Variants in CNTN4 observed in about 807,000 individuals in gnomAD.
The protein encoded by CNTN4 is contactin 4, also known as contactin-4.
CNTN4 carries 77 observed loss-of-function variants against 122.5 expected under a neutral mutation model. The observed-to-expected ratio is 0.63, with a 90% confidence interval of 0.52 to 0.76. The LOEUF is 0.76. CNTN4 is among the 30% of genes least tolerant of loss of function. The pLI, the probability that CNTN4 is intolerant of heterozygous loss-of-function variation, is 0.00. For synonymous variants in CNTN4, 512 were observed against 447.0 expected (o/e 1.15, Z -1.83); for missense variants, 1,256 against 1,259.1 (o/e 1.00, Z 0.04).
Position 2,644,701 on chromosome 3 carries a change from C to T in CNTN4, c.55+73143C>T, listed in dbSNP as rs144813876. ...TATAGAGGAGTCACAGAAACTAGGACATTTGGGCTCTCTGACCAAGAATCA... is the reference window on the plus strand; with the variant it reads ...TATAGAGGAGTCACAGAAACTAGGATATTTGGGCTCTCTGACCAAGAATCA... On this transcript the variant is annotated intron_variant, in intron 4 of 24. Coordinates refer to ENST00000418658, the MANE Select transcript of CNTN4 (RefSeq NM_175607.3). 3.4e-3 allele frequency among the ~76,000 whole-genome samples: 504 copies of T among 149,354 alleles called. 3 individuals carry two copies. Among genetic ancestry groups the T allele is most frequent in the African/African-American group, 0.012 (466 of 40,484 alleles).
chr3:2,206,300 G>T (rs939867334), intron 2 of CNTN4, among the ~76,000 whole-genome samples: 18 of 152,062 alleles, frequency 1.2e-4, no homozygotes, highest in African/African-American at 4.3e-4. Context: ...TTCTTTGACA[G>T]TATCTACAAA....
chr3:2,147,979 C>G (rs962889450), intron 2 of CNTN4, among the ~76,000 whole-genome samples: 6 of 152,172 alleles, frequency 3.9e-5, no homozygotes, highest in Non-Finnish European at 8.8e-5. Context: ...AATTGATTCT[C>G]TTTCACTCCC....
intron 2 of CNTN4, among the ~76,000 whole-genome samples, chr3:2,260,449 A>G (rs1010211944): frequency 6.6e-6 from 1 of 152,162 alleles, no homozygotes; most frequent in Non-Finnish European, 1.5e-5. Flanking sequence ...ACAATTTTCC[A>G]ATTCAAGGTG....
intron 4 of CNTN4, among the ~76,000 whole-genome samples, chr3:2,733,399 C>T (rs914033689): frequency 6.6e-6 from 1 of 152,120 alleles, no homozygotes; most frequent in Non-Finnish European, 1.5e-5. Context: ...AGTGAGCTCA[C>T]ATTTGACCAG....
chr3:2,720,464 T>G (rs2087778599), intron 4 of CNTN4, among the ~76,000 whole-genome samples: 1 of 152,134 alleles, frequency 6.6e-6, no homozygotes, highest in African/African-American at 2.4e-5. Context: ...CACCTGAATT[T>G]TTATGTACCC....
chr3:2,671,311 ACTTCT>A (rs1341951842), intron 4 of CNTN4, among the ~76,000 whole-genome samples: 2 of 151,882 alleles, frequency 1.3e-5, no homozygotes, highest in East Asian at 1.9e-4. Context: ...TTTTCTCTAA[ACTTCT>A]CTTCTCACTT....
chr3:2,649,941 C>A (rs896341649), intron 4 of CNTN4, among the ~76,000 whole-genome samples: 1 of 150,548 alleles, frequency 6.6e-6, no homozygotes, highest in South Asian at 2.1e-4. Context: ...CCAGCCTGAC[C>A]AACATGGTGA....
intron 14 of CNTN4, among the ~76,000 whole-genome samples, chr3:3,021,690 A>ATACACTAATATACAGGCCTT (rs1455565770): frequency 6.6e-6 from 1 of 152,226 alleles, no homozygotes; most frequent in Non-Finnish European, 1.5e-5. Context: ...AAGATAAATT[A>ATACACTAATATACAGGCCTT]TACACTAAAA....
chr3:2,350,778 C>T (rs958112019), intron 3 of CNTN4, among the ~76,000 whole-genome samples: 4 of 152,050 alleles, frequency 2.6e-5, no homozygotes, highest in Non-Finnish European at 5.9e-5. Flanking sequence ...CACTAACCAA[C>T]GAAAATTTAA....
At chr3:2,926,584 C>A (rs893350020) in intron 13 of CNTN4, among the ~76,000 whole-genome samples, 3 of 152,062 alleles carry the variant, frequency 2.0e-5, no homozygotes, top group Non-Finnish European at 2.9e-5. Flanking sequence ...GATTTGCCAG[C>A]TGTATATATA....
In CNTN4 at chr3:2,401,053, T is replaced by C. The variant is rs1044310094; in HGVS notation, c.-89+61820T>C. Among the ~76,000 whole-genome samples, 3 of 152,126 alleles carry C rather than the reference T, an allele frequency of 2.0e-5. No individual in the cohort carries two copies. In the South Asian group the frequency reaches 6.2e-4, roughly 31 times the overall value. On this transcript the variant is annotated intron_variant, in intron 3 of 24. Coordinates refer to ENST00000418658, the MANE Select transcript of CNTN4 (RefSeq NM_175607.3). Reference sequence around the variant, plus strand: ...TGCTCTGATTTCCACCTTTCAGGTATGTATACCAGATACTGAAATGGCTGA... The same window carrying C: ...TGCTCTGATTTCCACCTTTCAGGTACGTATACCAGATACTGAAATGGCTGA...
At chr3:2,194,466 AAAAG>A (rs1432970387) in intron 2 of CNTN4, among the ~76,000 whole-genome samples, 1 of 152,166 alleles carries the variant, frequency 6.6e-6, no homozygotes, top group African/African-American at 2.4e-5. Context: ...ATGTCAACAG[AAAAG>A]AAAGGAAAGA....
At chr3:2,106,090 G>A (rs1015109208) in intron 2 of CNTN4, among the ~76,000 whole-genome samples, 1 of 152,242 alleles carries the variant, frequency 6.6e-6, no homozygotes, top group African/African-American at 2.4e-5. Flanking sequence ...GCTGATGCAG[G>A]AGGTGGGCTC....
At chr3:2,269,114 G>C (rs2149801890) in intron 2 of CNTN4, among the ~76,000 whole-genome samples, 1 of 152,170 alleles carries the variant, frequency 6.6e-6, no homozygotes, top group Admixed American at 6.6e-5. Context: ...TTTCAAATGT[G>C]GTTGTGTCCC....
At chr3:2,762,937 CTT>C (rs529635016) in intron 6 of CNTN4, among the ~76,000 whole-genome samples, 3,249 of 96,136 alleles carry the variant, frequency 0.034, 44 homozygotes, top group Non-Finnish European at 0.041. Flanking sequence ...TGATGTCAAG[CTT>C]TTTTTTTTTT....
intron 7 of CNTN4, among the ~76,000 whole-genome samples, chr3:2,822,618 A>G (rs547105904): frequency 6.6e-6 from 1 of 152,368 alleles, no homozygotes; most frequent in South Asian, 2.1e-4. Flanking sequence ...ACATGGCAGC[A>G]ACCCTAAAAA....
intron 6 of CNTN4, among the ~76,000 whole-genome samples, chr3:2,778,049 C>T (rs2091403111): frequency 6.6e-6 from 1 of 150,580 alleles, no homozygotes; most frequent in African/African-American, 2.5e-5. Flanking sequence ...CCCGTCTCTA[C>T]TAAAAATACA....
In CNTN4 at chr3:2,279,431, A is replaced by G. The variant is rs142870320; in HGVS notation, c.-144-59747A>G. Among the ~76,000 whole-genome samples, 58 of 152,362 alleles carry G rather than the reference A, an allele frequency of 3.8e-4. No individual in the cohort carries two copies. In the East Asian group the frequency reaches 0.011, roughly 28 times the overall value. ...TACCAACATCAGATCATTAGGAGAT[A>G]CAGGAGATAGAAGAACAAGGGAGAC... On this transcript the variant is annotated intron_variant, in intron 2 of 24. Transcript: ENST00000418658.
At chr3:2,286,612 G>A (rs1171819142) in intron 2 of CNTN4, among the ~76,000 whole-genome samples, 1 of 152,062 alleles carries the variant, frequency 6.6e-6, no homozygotes, top group Non-Finnish European at 1.5e-5. Context: ...TGAGTGAGAT[G>A]CATTATAGAT....
Sources: allele counts gnomAD v4.1 joint callset (sites outside exome capture counted in the v4.1 genomes callset), GRCh38; gene constraint gnomAD v4.1.1; transcripts MANE v1.5; gene names NCBI Gene and HGNC (gene_info 2026-07-23, HGNC 2026-07-21).